The following STXBP5 variants were observed in gnomAD, a reference collection of about 807,000 sequenced individuals.
STXBP5 encodes syntaxin binding protein 5.
A neutral mutation model predicts 152.4 loss-of-function variants in STXBP5; 50 were observed. The ratio of observed to expected loss-of-function variants is 0.33; its 90% CI spans 0.26 to 0.42. The LOEUF (loss-of-function observed/expected upper bound fraction) is 0.42, where lower values mean the gene tolerates loss of function less well. Ranked by LOEUF, STXBP5 falls within the 10% of genes least tolerant of loss-of-function variation. The pLI is 1.00. For missense variants in STXBP5, 1,167 were observed against 1,388.6 expected (o/e 0.84, Z 2.54); for synonymous variants, 492 against 494.7 (o/e 0.99, Z 0.07).
intron 8 of STXBP5, among the ~76,000 whole-genome samples, chr6:147,279,623 A>G (rs764441842): frequency 1.3e-5 from 2 of 152,298 alleles, no homozygotes; most frequent in East Asian, 1.9e-4. Context: ...GACAGCAATC[A>G]TCTTCTGGGA....
At chr6:147,312,203 C>T (rs1243831112) in intron 11 of STXBP5, among the ~76,000 whole-genome samples, 15 of 152,088 alleles carry the variant, frequency 9.9e-5, no homozygotes, top group African/African-American at 1.4e-4. Context: ...TTATCTTTTT[C>T]GGGCTTTTCC....
In STXBP5 at chr6:147,385,062, A is replaced by G. The variant is rs1562281906; in HGVS notation, c.*307A>G. 2.9e-6 allele frequency: 1 copy of G among 345,042 alleles called. No individual in the cohort carries two copies. Among genetic ancestry groups the G allele is most frequent in the Non-Finnish European group, 5.3e-6 (1 of 189,922 alleles). 21.4% of individuals were successfully genotyped at this position (345,042 alleles called of 1,614,324 possible). ...GACCTGGTGCAGGGACTAATCCTGGATCATTCCTGTATTAAACTTTCATAT... is the reference window on the plus strand; with the variant it reads ...GACCTGGTGCAGGGACTAATCCTGGGTCATTCCTGTATTAAACTTTCATAT... On this transcript the variant is annotated 3_prime_UTR_variant, in exon 28 of 28. Coordinates refer to ENST00000321680, the MANE Select transcript of STXBP5 (RefSeq NM_001127715.4).
chr6:147,240,482 T>A (rs1377498708), intron 4 of STXBP5, among the ~76,000 whole-genome samples: 4 of 152,182 alleles, frequency 2.6e-5, no homozygotes, highest in Admixed American at 2.6e-4. Flanking sequence ...AAATTTTGAA[T>A]CTTATAGGAA....
At chr6:147,368,325 T>A (rs1181863184) in intron 25 of STXBP5, among the ~76,000 whole-genome samples, 5 of 152,144 alleles carry the variant, frequency 3.3e-5, no homozygotes, top group African/African-American at 1.2e-4. Flanking sequence ...TATGACCAAG[T>A]GAGACCTAAT....
At chr6:147,292,546 T>A (rs1781333766) in intron 9 of STXBP5, 1 of 153,874 alleles carries the variant, frequency 6.5e-6, no homozygotes. Flanking sequence ...GGAAATCCCC[T>A]GCCACCAATT....
intron 6 of STXBP5, among the ~76,000 whole-genome samples, chr6:147,262,698 A>G (rs1247519232): frequency 6.6e-6 from 1 of 151,918 alleles, no homozygotes; most frequent in Non-Finnish European, 1.5e-5. Flanking sequence ...AACACTTTGT[A>G]CAATTTTTGT....
chr6:147,324,596 C>T (rs763494008), intron 16 of STXBP5, among the ~76,000 whole-genome samples: 1 of 152,086 alleles, frequency 6.6e-6, no homozygotes, highest in East Asian at 1.9e-4. Context: ...TTCTAACTTA[C>T]ATTTTTTTCT....
intron 2 of STXBP5, among the ~76,000 whole-genome samples, chr6:147,214,447 G>T (rs1464577714): frequency 3.3e-5 from 5 of 152,164 alleles, no homozygotes; most frequent in Admixed American, 6.5e-5. Context: ...AAGAATTGTT[G>T]ACATAGTTTA....
At chr6:147,284,187 C>T (rs555055246) in intron 8 of STXBP5, among the ~76,000 whole-genome samples, 9 of 152,134 alleles carry the variant, frequency 5.9e-5, no homozygotes, top group African/African-American at 1.7e-4. Flanking sequence ...TTACGTGTCC[C>T]GCTGTCCGTG....
At chr6:147,380,575 A>G (rs1786036384) in intron 26 of STXBP5, among the ~76,000 whole-genome samples, 1 of 152,102 alleles carries the variant, frequency 6.6e-6, no homozygotes. Flanking sequence ...GAAAACAGGT[A>G]TAAATTTGTG....
chr6:147,253,373 G>A (rs1779194738), intron 4 of STXBP5, among the ~76,000 whole-genome samples: 1 of 152,152 alleles, frequency 6.6e-6, no homozygotes, highest in African/African-American at 2.4e-5. Context: ...AAAGCTGGAA[G>A]CATTCCCTTT....
chr6:147,342,119 A>C (rs1171921296), intron 21 of STXBP5, among the ~76,000 whole-genome samples: 1 of 152,216 alleles, frequency 6.6e-6, no homozygotes, highest in Non-Finnish European at 1.5e-5. Context: ...TCATGGTGTG[A>C]TTAATAACCA....
intron 7 of STXBP5, among the ~76,000 whole-genome samples, chr6:147,268,820 G>T (rs1050482516): frequency 1.3e-5 from 2 of 152,170 alleles, no homozygotes; most frequent in African/African-American, 2.4e-5. Flanking sequence ...TCAGCAGTTA[G>T]ACAGCAGGTC....
chr6:147,385,695 C>A lies in STXBP5; in HGVS notation c.*940C>A, dbSNP rs1004683222. ...CTTGAATTTTTATAAAATGTTTAACCAAATGTACCTTTGCATTCTTTAATT... is the reference window on the plus strand; with the variant it reads ...CTTGAATTTTTATAAAATGTTTAACAAAATGTACCTTTGCATTCTTTAATT... On this transcript the variant is annotated 3_prime_UTR_variant, in exon 28 of 28. Transcript: ENST00000321680. 1.3e-5 allele frequency: 2 copies of A among 151,948 alleles called. No homozygotes were observed. The highest frequency in any genetic ancestry group is 4.8e-5 in the African/African-American group (2 of 41,394). The allele number at this position is 151,948 out of a possible 1,614,324, so 9.4% of individuals were successfully genotyped here.
chr6:147,352,962 A>G (rs1295617368), intron 21 of STXBP5, among the ~76,000 whole-genome samples: 3 of 152,136 alleles, frequency 2.0e-5, no homozygotes, highest in Non-Finnish European at 4.4e-5. Context: ...CCTGGGTAAC[A>G]TAGTGAGACC....
chr6:147,216,371 G>A (rs138705331), intron 2 of STXBP5, among the ~76,000 whole-genome samples: 204 of 152,256 alleles, frequency 1.3e-3, no homozygotes, highest in African/African-American at 4.5e-3. Context: ...CAGCCTGAGC[G>A]ATAGAGTGAG....
chr6:147,291,629 T>C (rs1316517342), intron 9 of STXBP5, among the ~76,000 whole-genome samples: 1 of 152,148 alleles, frequency 6.6e-6, no homozygotes, highest in Non-Finnish European at 1.5e-5. Context: ...AGGGAGTTTG[T>C]TGGTTGTAGT....
At chr6:147,327,367 T>G in intron 18 of STXBP5, 91 bp downstream of exon 18, 1 of 1,424,568 alleles carries the variant, frequency 7.0e-7, no homozygotes, top group Non-Finnish European at 9.3e-7. Flanking sequence ...GTTAGGTAAA[T>G]AGCTTGCCTG....
Position 147,363,689 on chromosome 6 carries a change from A to G in STXBP5, c.2900A>G (p.His967Arg). ...ICLACFCANG[H>R]IMTFSLPSLR... ...CTTGCCTGTTTCTGTGCCAATGGAC[A>G]TATAATGACTTTTAGGTAAGAGTTA... Residue 967 changes from histidine to arginine, a missense_variant, in exon 24 of 28, where the codon CAT becomes CGT. Around this residue, in one of 3 missense-constraint regions of STXBP5, gnomAD observed 833 missense variants for 986.3 expected, o/e 0.84. Coordinates refer to ENST00000321680, the MANE Select transcript of STXBP5 (RefSeq NM_001127715.4). 1.2e-6 allele frequency: 2 copies of G among 1,609,784 alleles called. No homozygotes were observed. Among genetic ancestry groups the G allele is most frequent in the Middle Eastern group, 1.7e-4 (1 of 6,014 alleles).
Sources: gnomAD v4.1 joint callset for allele counts (sites outside exome capture counted in the v4.1 genomes callset) on GRCh38, gnomAD v4.1.1 for gene constraint, gnomAD v4.1.1 regional missense constraint, MANE v1.5 for transcripts, NCBI Gene and HGNC (gene_info 2026-07-23, HGNC 2026-07-21) for gene names.